Variants in MAGI1 observed in about 807,000 individuals in gnomAD.
MAGI1 encodes membrane-associated guanylate kinase, WW and PDZ domain-containing protein 1.
MAGI1 carries 58 observed loss-of-function variants against 139.9 expected under a neutral mutation model. The observed-to-expected ratio is 0.41, with a 90% CI of 0.34 to 0.52. The LOEUF (loss-of-function observed/expected upper bound fraction) is 0.52, where lower values mean the gene tolerates loss of function less well. Among genes scored for constraint, MAGI1 ranks in the 20% least tolerant of loss-of-function variants. MAGI1 has a pLI of 0.12. For synonymous variants in MAGI1, 812 were observed against 737.9 expected, an observed-to-expected ratio of 1.10 and a Z score of -1.63; for missense variants, 1,874 against 1,901.6, an observed-to-expected ratio of 0.99 and a Z score of 0.27.
chr3:65,707,673 G>A (rs141020457), intron 1 of MAGI1, among the ~76,000 whole-genome samples: 1 of 136,684 alleles, frequency 7.3e-6, no homozygotes, highest in Non-Finnish European at 1.5e-5. Flanking sequence ...CTGGGTGACA[G>A]AGTGATACCC....
chr3:65,762,298 T>A (rs557915058), intron 1 of MAGI1, among the ~76,000 whole-genome samples: 17 of 152,230 alleles, frequency 1.1e-4, no homozygotes, highest in Admixed American at 1.0e-3. Context: ...CCTTCTCAGA[T>A]TTTGAAAGTC....
At chr3:65,551,972 C>A (rs2079855679) in intron 2 of MAGI1, among the ~76,000 whole-genome samples, 1 of 152,124 alleles carries the variant, frequency 6.6e-6, no homozygotes, top group South Asian at 2.1e-4. Flanking sequence ...TGATAAGAGG[C>A]AGAAAAGGAA....
chr3:65,688,220 G>C (rs2088237680), intron 1 of MAGI1: 1 of 802,716 alleles, frequency 1.2e-6, no homozygotes, highest in African/African-American at 1.7e-5. Flanking sequence ...TAGAACAGCA[G>C]GACATAGTCT....
intron 1 of MAGI1, among the ~76,000 whole-genome samples, chr3:65,723,189 C>G (rs2033238183): frequency 6.6e-6 from 1 of 152,162 alleles, no homozygotes; most frequent in Non-Finnish European, 1.5e-5. Context: ...AGACACAGTT[C>G]AGGTCAGAGT....
chr3:65,469,914 TTAAATATATTTAAATATTTA>T (rs1292568697), intron 5 of MAGI1: 6 of 147,346 alleles, frequency 4.1e-5, no homozygotes, highest in Non-Finnish European at 7.5e-5. Context: ...ATATTTATTT[TTAAATATATTTAAATATTTA>T]TAAATATATT....
intron 1 of MAGI1, among the ~76,000 whole-genome samples, chr3:65,643,423 T>C (rs371218112): frequency 2.0e-5 from 3 of 152,242 alleles, no homozygotes; most frequent in East Asian, 3.9e-4. Context: ...TCCCCTTCTG[T>C]AAAGATAGGG....
chr3:65,804,658 G>A (rs1402298507), intron 1 of MAGI1, among the ~76,000 whole-genome samples: 6 of 151,994 alleles, frequency 3.9e-5, no homozygotes, highest in African/African-American at 7.3e-5. Flanking sequence ...CTACACTTGT[G>A]CCAATCACCA....
Position 65,470,580 on chromosome 3 carries a change from T to TAC in MAGI1, c.758-98_758-97dup, listed in dbSNP as rs1036741913. On this transcript the variant is annotated intron_variant, in intron 4 of 22. Coordinates refer to ENST00000402939, the MANE Select transcript of MAGI1 (RefSeq NM_001033057.2). The stretch of plus-strand genomic sequence containing the variant: ...CCCATACCCGGGAAGTATGCAACTA[T>TAC]ACACATCTATATTCTTAAATGCTCT... 1.7e-5 allele frequency: 12 copies of TAC among 711,814 alleles called. No homozygotes were observed. The African/African-American group carries it at 1.9e-4, about 12-fold the overall frequency. The allele number at this position is 711,814 out of a possible 1,614,324, so 44.1% of individuals were successfully genotyped here. A position where few individuals can be genotyped will look rare whatever the true frequency, so the allele number is the denominator to read the frequency against.
chr3:65,906,311 T>G (rs1473023454), intron 1 of MAGI1, among the ~76,000 whole-genome samples: 1 of 151,956 alleles, frequency 6.6e-6, no homozygotes, highest in Non-Finnish European at 1.5e-5. Flanking sequence ...GCTGGGTGCT[T>G]AAAGAGAGGT....
intron 1 of MAGI1, among the ~76,000 whole-genome samples, chr3:66,023,298 A>G (rs1031757588): frequency 6.6e-6 from 1 of 152,214 alleles, no homozygotes; most frequent in Non-Finnish European, 1.5e-5. Context: ...AGTCCAAACC[A>G]AGTAAGATTT....
At chr3:65,985,188 TTG>T (rs2065818073) in intron 1 of MAGI1, among the ~76,000 whole-genome samples, 1 of 152,198 alleles carries the variant, frequency 6.6e-6, no homozygotes, top group Admixed American at 6.5e-5. Context: ...CTGAATATTA[TTG>T]GATGGAGAAG....
intron 1 of MAGI1, among the ~76,000 whole-genome samples, chr3:65,857,288 T>C (rs958517707): frequency 6.6e-6 from 1 of 152,240 alleles, no homozygotes; most frequent in Non-Finnish European, 1.5e-5. Context: ...TCAGATTTTA[T>C]GAACCATCAA....
chr3:65,596,443 G>C (rs2082202160), intron 2 of MAGI1, among the ~76,000 whole-genome samples: 1 of 152,208 alleles, frequency 6.6e-6, no homozygotes, highest in Non-Finnish European at 1.5e-5. Context: ...CTCATAAGTA[G>C]TCTCCTAATT....
chr3:65,840,520 A>G (rs1447689952), intron 1 of MAGI1, among the ~76,000 whole-genome samples: 1 of 152,218 alleles, frequency 6.6e-6, no homozygotes, highest in African/African-American at 2.4e-5. Flanking sequence ...TGATATAATC[A>G]TGTGATTTTT....
intron 1 of MAGI1, among the ~76,000 whole-genome samples, chr3:65,646,369 C>G (rs1450018622): frequency 6.6e-6 from 1 of 151,824 alleles, no homozygotes; most frequent in Non-Finnish European, 1.5e-5. Context: ...AATGTGTGTG[C>G]ACTAAACAAG....
intron 2 of MAGI1, among the ~76,000 whole-genome samples, chr3:65,557,058 A>G (rs902762966): frequency 1.3e-5 from 2 of 152,208 alleles, no homozygotes; most frequent in African/African-American, 4.8e-5. Flanking sequence ...GAACTTTCCA[A>G]CAAATCCCCA....
chr3:65,634,558 A>C (rs898729677), intron 1 of MAGI1, among the ~76,000 whole-genome samples: 8 of 152,162 alleles, frequency 5.3e-5, no homozygotes, highest in Non-Finnish European at 8.8e-5. Flanking sequence ...TCAGTTCCCT[A>C]ATCTATCAGG....
At chr3:65,803,942 A>C (rs1339991834) in intron 1 of MAGI1, among the ~76,000 whole-genome samples, 1 of 152,208 alleles carries the variant, frequency 6.6e-6, no homozygotes, top group Admixed American at 6.5e-5. Flanking sequence ...CGAGTGCTTC[A>C]ACAAAAATTG....
intron 1 of MAGI1, among the ~76,000 whole-genome samples, chr3:65,662,236 T>C (rs1197045819): frequency 6.6e-6 from 1 of 152,208 alleles, no homozygotes; most frequent in Non-Finnish European, 1.5e-5. Context: ...AAGTAAGCCA[T>C]ACTCAGTCCA....
Sources: allele counts gnomAD v4.1 joint callset (sites outside exome capture counted in the v4.1 genomes callset), GRCh38; gene constraint gnomAD v4.1.1; transcripts MANE v1.5; gene names NCBI Gene and HGNC (gene_info 2026-07-23, HGNC 2026-07-21).